PSG7: variants seen among roughly 807,000 people sequenced by gnomAD.
PSG7 encodes the protein pregnancy specific beta-1-glycoprotein 7, also known as pregnancy-specific beta-1-glycoprotein 7.
PSG7 carries 57 observed loss-of-function variants against 45.6 expected under a neutral mutation model. The observed-to-expected ratio is 1.25, with a 90% CI of 1.01 to 1.56. PSG7 has a LOEUF of 1.56. Among genes scored for constraint, PSG7 ranks in the 40% most tolerant of loss-of-function variants. PSG7 has a pLI of 0.00. For synonymous variants in PSG7, 298 were observed against 194.4 expected, an observed-to-expected ratio of 1.53 and a Z score of -4.43; for missense variants, 796 against 508.4, an observed-to-expected ratio of 1.57 and a Z score of -5.44.
At chr19:42,933,266 AATATATATATATATATATAT>A (rs1161461136) in intron 2 of PSG7, among the ~76,000 whole-genome samples, 8 of 15,742 alleles carry the variant, frequency 5.1e-4, no homozygotes, top group Non-Finnish European at 8.6e-4. Flanking sequence ...TCACCATTTC[AATATATATATATATATATAT>A]ATATATATAT....
At chr19:42,931,254 A>T (rs1225616437) in intron 2 of PSG7, among the ~76,000 whole-genome samples, 1 of 151,650 alleles carries the variant, frequency 6.6e-6, no homozygotes, top group African/African-American at 2.4e-5. Flanking sequence ...AATTGCTGGT[A>T]GTAGTATTTC....
intron 1 of PSG7, 148 bp from the exon 2 acceptor site, chr19:42,935,917 C>CAA (rs1239014197): frequency 3.0e-4 from 260 of 866,714 alleles, no homozygotes; most frequent in African/African-American, 1.1e-3. Flanking sequence ...CACACACAAA[C>CAA]ACACACACAC....
rs190805403 is a variant in PSG7 at position 42,929,521 on chromosome 19, A to G, written c.630T>C (p.Tyr210=). 2.4e-5 allele frequency: 38 copies of G among 1,612,588 alleles called. No homozygotes were observed. The East Asian group carries it at 5.1e-4, about 22-fold the overall frequency. ...TTTCACATTCATAGGGTCCTGCAGT[A>G]TAGTTTGTGACACCAAATAGGTAGA... ...RTLYLFGVTN[Y]TAGPYECEIR... Residue 210 remains tyrosine (Y), a synonymous_variant, in exon 3 of 6, where the codon TAT becomes TAC. Coordinates refer to ENST00000406070, the MANE Select transcript of PSG7 (RefSeq NM_002783.3).
Position 42,937,169 on chromosome 19 carries a change from C to G in PSG7, c.-93G>C, listed in dbSNP as rs992088677. ...GCTGTCAGCTGTGCTGTCCTTCCTC[C>G]TTCTGCACTGAGCCTCTTCCCGGGG... On this transcript the variant is annotated 5_prime_UTR_variant, in exon 1 of 6. Coordinates refer to ENST00000406070, the MANE Select transcript of PSG7 (RefSeq NM_002783.3). The G allele has an allele frequency of 1.1e-4, 162 of 1,516,064 alleles. 7 individuals are homozygous for G. Among genetic ancestry groups the G allele is most frequent in the Non-Finnish European group, 1.4e-4 (155 of 1,111,734 alleles). 93.9% of individuals were successfully genotyped at this position (1,516,064 alleles called of 1,614,324 possible). A position where few individuals can be genotyped will look rare whatever the true frequency, so the allele number is the denominator to read the frequency against.
chr19:42,925,197 A>C, intron 5 of PSG7: 1 of 324,474 alleles, frequency 3.1e-6, no homozygotes, highest in Non-Finnish European at 5.6e-6. Flanking sequence ...ATATTCTTAA[A>C]TATAACATCC....
chr19:42,924,869 A>G lies in PSG7; in HGVS notation c.1244-45T>C, dbSNP rs560854136. 31 of 764,356 alleles carry G rather than the reference A, an allele frequency of 4.1e-5. 1 individual carries two copies. In the East Asian group the frequency reaches 6.6e-4, roughly 16 times the overall value. 47.3% of individuals were successfully genotyped at this position (764,356 alleles called of 1,614,324 possible). A position where few individuals can be genotyped will look rare whatever the true frequency, so the allele number is the denominator to read the frequency against. On this transcript the variant is annotated intron_variant, in intron 5 of 5. Coordinates refer to ENST00000406070, the MANE Select transcript of PSG7 (RefSeq NM_002783.3). ...CACAGAAACAATGAACAGAGCTGCA[A>G]TCTCATAACAGGTGTACTACGGTTT...
rs1205564506 is a variant in PSG7 at position 42,935,527 on chromosome 19, A to T, written c.307T>A (p.Ser103Thr). The change falls in exon 2 of 6, where the codon TCC (serine) becomes ACC (threonine). Residue 103 changes from serine to threonine, a missense_variant. Ser to Thr is a moderately conservative substitution (Grantham distance 58, BLOSUM62 1). Transcript: ENST00000406070. ...PAYSGRETVYSNASLLIQNVT... is the reference protein window; with the variant it reads ...PAYSGRETVYTNASLLIQNVT... ...TTCTGGATCAGCAGGGATGCATTGG[A>T]ATATACTGTTTCTCGTCCACTGTAT... 6.2e-7 allele frequency: 1 copy of T among 1,612,064 alleles called. No homozygotes were observed. Among genetic ancestry groups the T allele is most frequent in the Admixed American group, 1.7e-5 (1 of 59,852 alleles).
In PSG7 at chr19:42,933,295, ATATATATATATATTTT is replaced by A. The variant is rs1316794344; in HGVS notation, c.430+2093_430+2108del. ...TATATATATATATATATATATATAT[ATATATATATATATTTT>A]TTTTTTTTTTTGGTGTATGTATGTG... is the stretch of plus-strand genomic sequence containing the variant. On this transcript the variant is annotated intron_variant, in intron 2 of 5. Transcript: ENST00000406070. Among the ~76,000 whole-genome samples, 11 of 11,900 alleles carry A rather than the reference ATATATATATATATTTT, an allele frequency of 9.2e-4. 1 individual carries two copies. Among genetic ancestry groups the A allele is most frequent in the African/African-American group, 2.2e-3 (9 of 4,174 alleles). 7.8% of individuals were successfully genotyped at this position (11,900 alleles called of 152,430 possible). A position where few individuals can be genotyped will look rare whatever the true frequency, so the allele number is the denominator to read the frequency against.
intron 2 of PSG7, among the ~76,000 whole-genome samples, chr19:42,930,088 G>C (rs1972987265): frequency 6.6e-6 from 1 of 151,648 alleles, no homozygotes; most frequent in African/African-American, 2.4e-5. Context: ...AATCTTCTTA[G>C]TTTCAATCTT....
At chr19:42,934,082 G>T (rs983967697) in intron 2 of PSG7, among the ~76,000 whole-genome samples, 1 of 151,530 alleles carries the variant, frequency 6.6e-6, no homozygotes, top group African/African-American at 2.4e-5. Context: ...CTGTGCTGGT[G>T]CAGGGTGTGA....
chr19:42,935,359 T>A, intron 2 of PSG7, 45 bp downstream of exon 2: 1 of 1,606,556 alleles, frequency 6.2e-7, no homozygotes, highest in Non-Finnish European at 8.5e-7. Context: ...GAAGTAGAAA[T>A]GACCCCTGCC....
chr19:42,933,910 A>T lies in PSG7; in HGVS notation c.430+1494T>A, dbSNP rs1352051274. Among the ~76,000 whole-genome samples the T allele has an allele frequency of 2.0e-5, 3 of 151,362 alleles. No homozygotes were observed. The South Asian group carries it at 6.3e-4, about 32-fold the overall frequency. The stretch of plus-strand genomic sequence containing the variant: ...GCAAGAGGTAGTGGGGTGATGAAAC[A>T]TGGGTGTCAGCCTCCGAAGGACAAG... On this transcript the variant is annotated intron_variant, in intron 2 of 5. Coordinates refer to ENST00000406070, the MANE Select transcript of PSG7 (RefSeq NM_002783.3).
intron 3 of PSG7, 157 bp downstream of exon 3, chr19:42,929,285 C>G: frequency 6.6e-7 from 1 of 1,512,982 alleles, no homozygotes; most frequent in South Asian, 1.3e-5. Context: ...AAGCCTAGGC[C>G]TACTCTGGTT....
chr19:42,937,166 C>T lies in PSG7; in HGVS notation c.-90G>A, dbSNP rs1600576324. 2 of 1,531,142 alleles carry T rather than the reference C, an allele frequency of 1.3e-6. No homozygotes were observed. Among genetic ancestry groups the T allele is most frequent in the Non-Finnish European group, 1.8e-6 (2 of 1,120,316 alleles). 94.8% of individuals were successfully genotyped at this position (1,531,142 alleles called of 1,614,324 possible). A position where few individuals can be genotyped will look rare whatever the true frequency, so the allele number is the denominator to read the frequency against. Reference sequence around the variant, plus strand: ...ACGGCTGTCAGCTGTGCTGTCCTTCCTCCTTCTGCACTGAGCCTCTTCCCG... The same window carrying T: ...ACGGCTGTCAGCTGTGCTGTCCTTCTTCCTTCTGCACTGAGCCTCTTCCCG... On this transcript the variant is annotated 5_prime_UTR_variant, in exon 1 of 6. Coordinates refer to ENST00000406070, the MANE Select transcript of PSG7 (RefSeq NM_002783.3).
In PSG7 at chr19:42,932,217, G is replaced by A. The variant is rs1223223972; in HGVS notation, c.431-2497C>T. Among the ~76,000 whole-genome samples, 2 of 151,168 alleles carry A rather than the reference G, an allele frequency of 1.3e-5. 1 individual carries two copies. Among genetic ancestry groups the A allele is most frequent in the East Asian group, 3.9e-4 (2 of 5,152 alleles). On this transcript the variant is annotated intron_variant, in intron 2 of 5. Coordinates refer to ENST00000406070, the MANE Select transcript of PSG7 (RefSeq NM_002783.3). ...TTTTTGTATTTTTAGTAGAGACGGG[G>A]TTTCACCATGTTAGCCAGGATGGTC...
At position 42,932,378 on chromosome 19, in the gene PSG7, T is replaced by G. The variant is rs548589544; in HGVS notation, c.431-2658A>C. On this transcript the variant is annotated intron_variant, in intron 2 of 5. Transcript: ENST00000406070. ...AGTTTGTTCAGCGTTTTACTTAGTG[T>G]TAGAACCGAGTGACAAATTCCAAGC... Among the ~76,000 whole-genome samples the G allele has an allele frequency of 3.6e-4, 54 of 151,610 alleles. 1 individual carries two copies. Among genetic ancestry groups the G allele is most frequent in the African/African-American group, 1.3e-3 (54 of 41,276 alleles).
rs1373009423 is a variant in PSG7 at position 42,935,551 on chromosome 19, A to G, written c.283T>C (p.Tyr95His). Residue 95 changes from tyrosine to histidine, a missense_variant, in exon 2 of 6, where the codon TAC becomes CAC. Coordinates refer to ENST00000406070, the MANE Select transcript of PSG7 (RefSeq NM_002783.3). ...DGQIIKYGPA[Y>H]SGRETVYSNA... ...GAATATACTGTTTCTCGTCCACTGT[A>G]TGCAGGCCCATATTTAATTATTTGA... 9.3e-6 allele frequency: 15 copies of G among 1,612,018 alleles called. 2 individuals are homozygous for G. The highest frequency in any genetic ancestry group is 1.0e-5 in the Non-Finnish European group (12 of 1,179,074).
At chr19:42,929,252 C>T in intron 3 of PSG7, 190 bp downstream of exon 3, 2 of 1,335,456 alleles carry the variant, frequency 1.5e-6, no homozygotes, top group Non-Finnish European at 1.0e-6. Context: ...ACAGGAGCAG[C>T]CTCTTTTCTC....
rs775839219 is a variant in PSG7, at chr19:42,926,470, A to G, written c.956T>C (p.Ile319Thr). The change falls in exon 4 of 6, where the codon ATC (isoleucine) becomes ACC (threonine). Residue 319 changes from isoleucine (I) to threonine (T), a missense_variant. Physicochemically the swap from Ile to Thr is moderately conservative, Grantham distance 89. Coordinates refer to ENST00000406070, the MANE Select transcript of PSG7 (RefSeq NM_002783.3). Reference protein sequence around the residue: ...QCEIRDRYGGIRSDPVTLNVL... With the variant: ...QCEIRDRYGGTRSDPVTLNVL... ...ATTCAGGGTGACTGGGTCACTGCGG[A>G]TGCCACCATATCGGTCCCGTATTTC... 2 of 1,611,638 alleles carry G rather than the reference A, an allele frequency of 1.2e-6. No individual in the cohort carries two copies. Among genetic ancestry groups the G allele is most frequent in the Non-Finnish European group, 1.7e-6 (2 of 1,179,012 alleles).
Sources: gnomAD v4.1 joint callset for allele counts (sites outside exome capture counted in the v4.1 genomes callset) on GRCh38, gnomAD v4.1.1 for gene constraint, MANE v1.5 for transcripts, NCBI Gene and HGNC (gene_info 2026-07-23, HGNC 2026-07-21) for gene names.